Variants in ITPKA observed in about 807,000 individuals in gnomAD.
ITPKA encodes inositol-trisphosphate 3-kinase A.
Under a neutral mutation model 40.7 loss-of-function variants are expected in ITPKA, and 16 were observed. The observed-to-expected ratio is 0.39, with a 90% confidence interval of 0.27 to 0.60. The LOEUF (loss-of-function observed/expected upper bound fraction) is 0.60, where lower values mean the gene tolerates loss of function less well. Among genes scored for constraint, ITPKA ranks in the 20% least tolerant of loss-of-function variants. The pLI is 0.50. For missense variants in ITPKA, 540 were observed against 649.3 expected, an observed-to-expected ratio of 0.83 and a Z score of 1.83; for synonymous variants, 313 against 289.9, an observed-to-expected ratio of 1.08 and a Z score of -0.81.
chr15:41,501,404 G>T (rs2051109065), intron 1 of ITPKA, 59 bp from the exon 2 acceptor site: 1 of 1,552,230 alleles, frequency 6.4e-7, no homozygotes, highest in East Asian at 2.4e-5. Flanking sequence ...TTTCAGTGGA[G>T]GGAGGGCTTA....
intron 5 of ITPKA, 134 bp from the exon 6 acceptor site, chr15:41,502,654 C>T: frequency 4.0e-6 from 4 of 1,009,536 alleles, no homozygotes; most frequent in Non-Finnish European, 5.8e-6. Flanking sequence ...TTCTGGGCCA[C>T]GCTGGGCGGG....
Position 41,494,463 on chromosome 15 carries a change from G to T in ITPKA, c.489+47G>T, listed in dbSNP as rs1005631756. 11 of 1,291,614 alleles carry T rather than the reference G, an allele frequency of 8.5e-6. No individual in the cohort carries two copies. Among genetic ancestry groups the T allele is most frequent in the South Asian group, 6.7e-5 (4 of 60,004 alleles). 80.0% of individuals were successfully genotyped at this position (1,291,614 alleles called of 1,614,324 possible). A position where few individuals can be genotyped will look rare whatever the true frequency, so the allele number is the denominator to read the frequency against. On this transcript the variant is annotated intron_variant, in intron 1 of 6. Transcript: ENST00000260386. This position sits in a 1 kb window ranked among gnomAD's most constrained non-coding sequence, Gnocchi z 7.8. The stretch of plus-strand genomic sequence containing the variant: ...CCAGCGCCGGGCGCGGGGGCTGCAC[G>T]GGGGACCTGGCTGGGTGCTCCCGGA...
intron 1 of ITPKA, 193 bp from the exon 2 acceptor site, chr15:41,501,270 A>G: frequency 1.0e-6 from 1 of 973,264 alleles, no homozygotes; most frequent in Non-Finnish European, 1.2e-6. Flanking sequence ...AATCACCTTC[A>G]CTGCGCCTGT....
At chr15:41,495,174 T>C (rs767167669) in intron 1 of ITPKA, among the ~76,000 whole-genome samples, 1 of 152,210 alleles carries the variant, frequency 6.6e-6, no homozygotes, top group Non-Finnish European at 1.5e-5. Flanking sequence ...CTGGGCACTG[T>C]TAAGTCATTC....
intron 3 of ITPKA, 29 bp downstream of exon 3, chr15:41,501,880 G>A (rs768342352): frequency 3.4e-5 from 54 of 1,607,346 alleles, no homozygotes; most frequent in Non-Finnish European, 4.2e-5. Flanking sequence ...GTCGGTTGGG[G>A]GGATCAAGTA....
Position 41,503,172 on chromosome 15 carries a change from G to C in ITPKA, c.*6G>C. On this transcript the variant is annotated 3_prime_UTR_variant, in exon 7 of 7. Transcript: ENST00000260386. ...CCAGCCTGGCTGAGAGATGAGGCTGGACTCCTGTCCCCGCGGGCCGCTCAC... is the reference window on the plus strand; with the variant it reads ...CCAGCCTGGCTGAGAGATGAGGCTGCACTCCTGTCCCCGCGGGCCGCTCAC... 1 of 1,572,494 alleles carries C rather than the reference G, an allele frequency of 6.4e-7. No homozygotes were observed. Among genetic ancestry groups the C allele is most frequent in the Non-Finnish European group, 8.7e-7 (1 of 1,151,930 alleles).
At chr15:41,497,285 A>G (rs553973097) in intron 1 of ITPKA, among the ~76,000 whole-genome samples, 16 of 152,272 alleles carry the variant, frequency 1.1e-4, no homozygotes, top group African/African-American at 3.9e-4. Context: ...ACCTTCATGG[A>G]GGGAGGCCCG....
At chr15:41,502,888 C>T in intron 6 of ITPKA, 29 bp downstream of exon 6, 2 of 1,609,278 alleles carry the variant, frequency 1.2e-6, no homozygotes, top group Non-Finnish European at 1.7e-6. Flanking sequence ...GGTGCCCGGG[C>T]CGCGAGGGCT....
chr15:41,502,624 A>G, intron 5 of ITPKA, 121 bp downstream of exon 5: 3 of 922,116 alleles, frequency 3.3e-6, no homozygotes, highest in South Asian at 3.2e-5. Context: ...CTGGCTCGCA[A>G]CTGCTCTACG....
At chr15:41,496,305 G>T (rs2051070562) in intron 1 of ITPKA, among the ~76,000 whole-genome samples, 1 of 152,196 alleles carries the variant, frequency 6.6e-6, no homozygotes, top group African/African-American at 2.4e-5. Flanking sequence ...TAGGACTCCC[G>T]GCTTACCAGC....
intron 1 of ITPKA, 136 bp from the exon 2 acceptor site, chr15:41,501,323 GTGAA>G (rs1182056527): frequency 6.8e-7 from 1 of 1,468,920 alleles, no homozygotes; most frequent in East Asian, 2.5e-5. Context: ...CCTTCCCAGA[GTGAA>G]TGAATGAATT....
At chr15:41,498,222 C>T (rs1298288171) in intron 1 of ITPKA, among the ~76,000 whole-genome samples, 1 of 151,626 alleles carries the variant, frequency 6.6e-6, no homozygotes, top group Non-Finnish European at 1.5e-5. Context: ...GGGAGGATCA[C>T]CTGAACCCTG....
At chr15:41,498,271 A>T (rs995762890) in intron 1 of ITPKA, among the ~76,000 whole-genome samples, 3 of 147,736 alleles carry the variant, frequency 2.0e-5, no homozygotes, top group African/African-American at 7.5e-5. Context: ...GCACCACTGG[A>T]CTCCAGCCTG....
rs2051112803 is a variant in ITPKA at position 41,501,779 on chromosome 15, G to A, written c.731G>A (p.Ser244Asn). The change falls in exon 3 of 7, where the codon AGC becomes AAC. Residue 244 changes from serine to asparagine, a missense_variant. Physicochemically the swap from Ser to Asn is conservative, Grantham distance 46. Coordinates refer to ENST00000260386, the MANE Select transcript of ITPKA (RefSeq NM_002220.3). The stretch of plus-strand genomic sequence containing the variant: ...GGCGTGGTGGAGCGCGACGGCGAAA[G>A]CTACCTGCAGCTGCAGGACCTGCTC... Reference protein sequence around the residue: ...FHGVVERDGESYLQLQDLLDG... With the variant: ...FHGVVERDGENYLQLQDLLDG... The A allele has an allele frequency of 6.2e-7, 1 of 1,613,228 alleles. No homozygotes were observed. The highest frequency in any genetic ancestry group is 8.5e-7 in the Non-Finnish European group (1 of 1,179,866).
rs2140670079 is a variant in ITPKA, at chr15:41,494,072, G to T, written c.145G>T (p.Ala49Ser). 2 of 1,241,308 alleles carry T rather than the reference G, an allele frequency of 1.6e-6. No individual in the cohort carries two copies. The highest frequency in any genetic ancestry group is 2.0e-6 in the Non-Finnish European group (2 of 994,616). 76.9% of individuals were successfully genotyped at this position (1,241,308 alleles called of 1,614,324 possible). A position where few individuals can be genotyped will look rare whatever the true frequency, so the allele number is the denominator to read the frequency against. Reference sequence around the variant, plus strand: ...GCGCTGTGCGGCGGTCGCTGCGGCCGCCGCCGCGGGGGAGCCCCGGGCCCG... The same window carrying T: ...GCGCTGTGCGGCGGTCGCTGCGGCCTCCGCCGCGGGGGAGCCCCGGGCCCG... ...EARCAAVAAA[A>S]AAGEPRARGA... is the part of the protein sequence containing the mutation. The change falls in exon 1 of 7, where the codon GCC (alanine) becomes TCC (serine). Residue 49 changes from alanine to serine, a missense_variant. Transcript: ENST00000260386. The surrounding 1 kb of genome is among the most constrained non-coding windows in gnomAD (Gnocchi z 7.8).
intron 1 of ITPKA, among the ~76,000 whole-genome samples, chr15:41,498,825 C>G (rs996815422): frequency 1.3e-5 from 2 of 152,218 alleles, no homozygotes; most frequent in Non-Finnish European, 2.9e-5. Flanking sequence ...TCCCATTTAA[C>G]CCCCAAAGGG....
At chr15:41,502,360 C>G (rs1296685072) in intron 4 of ITPKA, 42 bp from the exon 5 acceptor site, 1 of 1,462,436 alleles carries the variant, frequency 6.8e-7, no homozygotes, top group East Asian at 2.3e-5. Flanking sequence ...CTCTTCCCCA[C>G]TGGCGGGCCC....
Position 41,494,223 on chromosome 15 carries a change from C to G in ITPKA, c.296C>G (p.Pro99Arg). 1 of 1,535,952 alleles carries G rather than the reference C, an allele frequency of 6.5e-7. No individual in the cohort carries two copies. Among genetic ancestry groups the G allele is most frequent in the African/African-American group, 1.4e-5 (1 of 72,334 alleles). The change falls in exon 1 of 7, where the codon CCG becomes CGG. Residue 99 changes from proline to arginine, a missense_variant. Coordinates refer to ENST00000260386, the MANE Select transcript of ITPKA (RefSeq NM_002220.3). This position sits in a 1 kb window ranked among gnomAD's most constrained non-coding sequence, Gnocchi z 7.8. ...PDVPPTSPGP[P>R]ERERDCLPAA... ...GTGCCCCCGACCAGCCCTGGGCCGC[C>G]GGAGCGGGAGAGGGACTGCCTCCCG...
Position 41,494,203 on chromosome 15 carries a change from C to A in ITPKA, c.276C>A (p.Pro92=). The part of the protein sequence containing the change: ...LTVTAEEPDV[P]PTSPGPPERE... Reference sequence around the variant, plus strand: ...TGACAGCCGAGGAGCCCGACGTGCCCCCGACCAGCCCTGGGCCGCCGGAGC... The same window carrying A: ...TGACAGCCGAGGAGCCCGACGTGCCACCGACCAGCCCTGGGCCGCCGGAGC... The change falls in exon 1 of 7, where the codon CCC becomes CCA. Residue 92 remains proline (P), a synonymous_variant. Coordinates refer to ENST00000260386, the MANE Select transcript of ITPKA (RefSeq NM_002220.3). This position sits in a 1 kb window ranked among gnomAD's most constrained non-coding sequence, Gnocchi z 7.8. 1 of 1,525,774 alleles carries A rather than the reference C, an allele frequency of 6.6e-7. No individual in the cohort carries two copies. The allele number at this position is 1,525,774 out of a possible 1,614,324, so 94.5% of individuals were successfully genotyped here.
Sources: allele counts gnomAD v4.1 joint callset (sites outside exome capture counted in the v4.1 genomes callset), GRCh38; gene constraint gnomAD v4.1.1; non-coding constraint Gnocchi (gnomAD v3.1); transcripts MANE v1.5; gene names NCBI Gene and HGNC (gene_info 2026-07-23, HGNC 2026-07-21).